Variants in ZNF451 observed in about 807,000 individuals in gnomAD.
ZNF451 encodes the protein E3 SUMO-protein ligase ZNF451.
A neutral mutation model predicts 107.1 loss-of-function variants in ZNF451; 80 were observed. The ratio of observed to expected loss-of-function variants is 0.75; its 90% CI spans 0.62 to 0.90. The LOEUF is 0.90. Ranked by LOEUF, ZNF451 falls within the 40% of genes least tolerant of loss-of-function variation. ZNF451 has a pLI of 0.00. For missense variants in ZNF451, 1,107 were observed against 1,236.2 expected, an observed-to-expected ratio of 0.90 and a Z score of 1.57; for synonymous variants, 362 against 406.5, an observed-to-expected ratio of 0.89 and a Z score of 1.32.
chr6:57,109,645 T>C, intron 3 of ZNF451: 1 of 985,386 alleles, frequency 1.0e-6, no homozygotes, highest in Non-Finnish European at 1.2e-6. Context: ...ATGTTCCCCT[T>C]TATGATTTTT....
At chr6:57,150,393 GT>G (rs953007017) in intron 10 of ZNF451, 1 of 182,252 alleles carries the variant, frequency 5.5e-6, no homozygotes, top group African/African-American at 2.3e-5. Context: ...TTAAAACTTG[GT>G]TTTCTAGTTC....
rs1284403066 is a variant in ZNF451, at chr6:57,147,230, A to C, written c.1145A>C (p.Gln382Pro). ...GAAACCAGCACCCAAAATCATAAGC[A>C]GAATTCAGGACACAAAGTCCGAGTC... ...VDETSTQNHK[Q>P]NSGHKVRVIN... Residue 382 changes from glutamine to proline, a missense_variant, in exon 10 of 15, where the codon CAG (glutamine) becomes CCG (proline). Gln to Pro is a moderately conservative substitution (Grantham distance 76). Transcript: ENST00000370706. The C allele has an allele frequency of 1.9e-6, 3 of 1,614,132 alleles. No homozygotes were observed. Among genetic ancestry groups the C allele is most frequent in the Admixed American group, 1.7e-5 (1 of 60,020 alleles).
chr6:57,159,881 G>C (rs1763592303), intron 13 of ZNF451, among the ~76,000 whole-genome samples: 1 of 152,084 alleles, frequency 6.6e-6, no homozygotes, highest in African/African-American at 2.4e-5. Context: ...AGTTTGCACA[G>C]AAACAAATAT....
At position 57,098,319 on chromosome 6, in the gene ZNF451, C is replaced by T. The variant is rs1278059399; in HGVS notation, c.106-742C>T. On this transcript the variant is annotated intron_variant, in intron 2 of 14. Transcript: ENST00000370706. ...AAGTGGTGGGATTACAGACATGAGC[C>T]ACCACACCTGGCCTAATAATCAATC... Among the ~76,000 whole-genome samples, 3 of 151,894 alleles carry T rather than the reference C, an allele frequency of 2.0e-5. No homozygotes were observed. The East Asian group carries it at 5.9e-4, about 30-fold the overall frequency.
chr6:57,092,883 G>A (rs1829115341), intron 2 of ZNF451: 1 of 152,046 alleles, frequency 6.6e-6, no homozygotes, highest in South Asian at 2.1e-4. Flanking sequence ...AGATATGGAG[G>A]GGGGTGCAAA....
intron 4 of ZNF451, among the ~76,000 whole-genome samples, chr6:57,128,088 C>T (rs1831015925): frequency 6.6e-6 from 1 of 152,104 alleles, no homozygotes; most frequent in Non-Finnish European, 1.5e-5. Context: ...ACCCCTTGGT[C>T]TAGATGGCAA....
At chr6:57,121,886 A>G (rs1055544042) in intron 3 of ZNF451, among the ~76,000 whole-genome samples, 37 of 152,218 alleles carry the variant, frequency 2.4e-4, no homozygotes, top group African/African-American at 8.9e-4. Context: ...CTATTCTAAA[A>G]TGTATATGTA....
chr6:57,120,920 G>T (rs1194746549), intron 3 of ZNF451, among the ~76,000 whole-genome samples: 3 of 152,140 alleles, frequency 2.0e-5, no homozygotes, highest in Middle Eastern at 3.4e-3. Context: ...TTTTTTCAAG[G>T]ACCGTGCTTT....
chr6:57,142,931 A>G (rs1831844326), intron 9 of ZNF451, among the ~76,000 whole-genome samples: 1 of 152,116 alleles, frequency 6.6e-6, no homozygotes, highest in Non-Finnish European at 1.5e-5. Context: ...CTTGATAAAC[A>G]ATGATGTTGG....
chr6:57,146,176 T>C (rs898043587), intron 9 of ZNF451, among the ~76,000 whole-genome samples: 4 of 152,176 alleles, frequency 2.6e-5, no homozygotes, highest in South Asian at 2.1e-4. Flanking sequence ...AGATTCTGAA[T>C]ATTAGTCCTT....
intron 3 of ZNF451, among the ~76,000 whole-genome samples, chr6:57,113,313 ATTC>A (rs1411091281): frequency 2.7e-5 from 4 of 147,702 alleles, no homozygotes; most frequent in African/African-American, 9.9e-5. Context: ...ACATGATGTC[ATTC>A]TTTTTTTTTT....
chr6:57,136,474 A>G (rs181620018), intron 7 of ZNF451, among the ~76,000 whole-genome samples: 2 of 152,146 alleles, frequency 1.3e-5, no homozygotes, highest in African/African-American at 2.4e-5. Context: ...TGTTTGACTT[A>G]GGTAATGGCA....
chr6:57,118,207 A>G (rs565747225), intron 3 of ZNF451, among the ~76,000 whole-genome samples: 2 of 150,854 alleles, frequency 1.3e-5, no homozygotes, highest in African/African-American at 4.9e-5. Flanking sequence ...GAGAATTGTC[A>G]TTACTGTCTT....
chr6:57,124,416 T>G (rs1177576982), intron 3 of ZNF451: 2 of 715,278 alleles, frequency 2.8e-6, no homozygotes, highest in East Asian at 2.7e-5. Context: ...TCTCTCTCTC[T>G]CTCCAATTTT....
chr6:57,158,360 C>CTT (rs397974998), intron 13 of ZNF451, among the ~76,000 whole-genome samples: 3 of 141,992 alleles, frequency 2.1e-5, no homozygotes. Flanking sequence ...GAAGAATGCG[C>CTT]TTTTTTTTTT....
At chr6:57,166,893 T>C (rs899972195) in intron 14 of ZNF451, among the ~76,000 whole-genome samples, 28 of 152,238 alleles carry the variant, frequency 1.8e-4, no homozygotes, top group African/African-American at 5.8e-4. Flanking sequence ...CTGTTGTATA[T>C]GTGATCCACT....
intron 13 of ZNF451, chr6:57,158,509 C>T: frequency 1.0e-6 from 1 of 985,214 alleles, no homozygotes. Context: ...GAATAAACAC[C>T]ATCTTTACAG....
At chr6:57,095,825 T>C (rs1220305909) in intron 2 of ZNF451, among the ~76,000 whole-genome samples, 1 of 151,746 alleles carries the variant, frequency 6.6e-6, no homozygotes, top group Non-Finnish European at 1.5e-5. Flanking sequence ...TTGTTGTTGT[T>C]GTTGTTGTTG....
intron 4 of ZNF451, 24 bp from the exon 5 acceptor site, chr6:57,128,705 T>G (rs1831042681): frequency 2.6e-6 from 4 of 1,538,676 alleles, no homozygotes; most frequent in African/African-American, 1.4e-5. Flanking sequence ...TAATCTTAAT[T>G]GAGTTTTTTC....
Sources: allele counts gnomAD v4.1 joint callset (sites outside exome capture counted in the v4.1 genomes callset), GRCh38; gene constraint gnomAD v4.1.1; transcripts MANE v1.5; gene names NCBI Gene and HGNC (gene_info 2026-07-23, HGNC 2026-07-21).